The following CSE1L variants were observed in gnomAD, a reference collection of about 807,000 sequenced individuals.
CSE1L encodes the protein chromosome segregation 1 like, also known as exportin-2.
CSE1L carries 24 observed loss-of-function variants against 120.4 expected under a neutral mutation model. The ratio of observed to expected loss-of-function variants is 0.20; its 90% CI spans 0.14 to 0.28. The LOEUF is 0.28. CSE1L is among the 10% of genes least tolerant of loss of function. The pLI is 1.00. For missense variants in CSE1L, 830 were observed against 1,145.2 expected (o/e 0.72, Z 3.97); for synonymous variants, 402 against 398.3 (o/e 1.01, Z -0.11).
chr20:49,083,143 G>C (rs1370902647), intron 14 of CSE1L, among the ~76,000 whole-genome samples: 2 of 151,608 alleles, frequency 1.3e-5, no homozygotes, highest in African/African-American at 2.4e-5. Flanking sequence ...TTCTGCCTCA[G>C]CCTCCCGAGT....
At chr20:49,052,202 A>T (rs1016738622) in intron 1 of CSE1L, among the ~76,000 whole-genome samples, 13 of 152,294 alleles carry the variant, frequency 8.5e-5, no homozygotes, top group African/African-American at 2.9e-4. Flanking sequence ...GTTGTGACTT[A>T]TCCTTTAGTT....
intron 15 of CSE1L, 97 bp downstream of exon 15, chr20:49,084,259 A>G (rs2092036488): frequency 8.1e-7 from 1 of 1,237,150 alleles, no homozygotes; most frequent in African/African-American, 1.5e-5. Flanking sequence ...CTAGTGGGAA[A>G]ACAAATGTCT....
rs1308218025 is a variant in CSE1L at position 49,066,297 on chromosome 20, A to G, written c.330+4A>G. 1.9e-6 allele frequency: 3 copies of G among 1,614,190 alleles called. No homozygotes were observed. In the South Asian group the frequency reaches 3.3e-5, roughly 18 times the overall value. On this transcript the variant is annotated splice_donor_region_variant and intron_variant, in intron 4 of 24. Transcript: ENST00000262982. ...CCCAGAGCAAATTCAGAAGCAGGTA[A>G]TGTCGCTCCACTTTTTAGATGGGCT... is the stretch of plus-strand genomic sequence containing the variant.
Position 49,090,961 on chromosome 20 carries a change from A to G in CSE1L, c.2304A>G (p.Lys768=), listed in dbSNP as rs1274082881. ...MPPESVDQYR[K]QIFILLFQRL... is the part of the protein sequence containing the mutation. ...GTGAATCAGTTGACCAATATAGGAA[A>G]CAAATCTTCATTCTGCTATTCCAGA... Residue 768 remains lysine, a synonymous_variant, in exon 21 of 25, where the codon AAA becomes AAG. Transcript: ENST00000262982. 4 of 1,611,510 alleles carry G rather than the reference A, an allele frequency of 2.5e-6. No homozygotes were observed. The highest frequency in any genetic ancestry group is 3.3e-5 in the Admixed American group (2 of 59,826).
At chr20:49,088,151 C>T (rs752602381) in intron 17 of CSE1L, 45 bp downstream of exon 17, 1 of 1,352,796 alleles carries the variant, frequency 7.4e-7, no homozygotes, top group Admixed American at 1.8e-5. Context: ...TTTATTTGCT[C>T]CAAACTGTTT....
At chr20:49,092,331 T>A (rs924484010) in intron 22 of CSE1L, among the ~76,000 whole-genome samples, 1 of 151,840 alleles carries the variant, frequency 6.6e-6, no homozygotes, top group Non-Finnish European at 1.5e-5. Context: ...AATCCCACAC[T>A]CTGAGAGGCT....
In CSE1L at chr20:49,070,232, A is replaced by G. The variant is rs1290509499; in HGVS notation, c.703A>G (p.Met235Val). ...TCTCCCTGAATTTTTTGAAGATAAT[A>G]TGGAAACTTGGATGAATAATTTTCA... Reference protein sequence around the residue: ...QDLPEFFEDNMETWMNNFHTL... With the variant: ...QDLPEFFEDNVETWMNNFHTL... The change falls in exon 8 of 25, where the codon ATG becomes GTG. Residue 235 changes from methionine (M) to valine (V), a missense_variant. Met to Val is a conservative substitution (Grantham distance 21, BLOSUM62 1). This residue lies in a region of CSE1L where 543 missense variants were observed against 640.2 expected (regional missense o/e 0.85). Transcript: ENST00000262982. 4 of 1,466,880 alleles carry G rather than the reference A, an allele frequency of 2.7e-6. No homozygotes were observed. The highest frequency in any genetic ancestry group is 3.8e-6 in the Non-Finnish European group (4 of 1,064,880). 90.9% of individuals were successfully genotyped at this position (1,466,880 alleles called of 1,614,324 possible). A position where few individuals can be genotyped will look rare whatever the true frequency, so the allele number is the denominator to read the frequency against.
chr20:49,089,134 T>A, intron 17 of CSE1L, 113 bp from the exon 18 acceptor site: 1 of 989,276 alleles, frequency 1.0e-6, no homozygotes, highest in Non-Finnish European at 1.4e-6. Context: ...ATAATTGGTG[T>A]TTTTTTCTTA....
At chr20:49,063,704 A>G (rs1207041299) in intron 3 of CSE1L, among the ~76,000 whole-genome samples, 1 of 152,220 alleles carries the variant, frequency 6.6e-6, no homozygotes, top group Non-Finnish European at 1.5e-5. Context: ...AATCTCCATT[A>G]TGTTTGGAAT....
intron 1 of CSE1L, 129 bp downstream of exon 1, chr20:49,046,552 G>A (rs2091711859): frequency 6.6e-6 from 1 of 152,450 alleles, no homozygotes. Context: ...AGCGGAATGT[G>A]GGCCCGGGGT....
intron 10 of CSE1L, 73 bp from the exon 11 acceptor site, chr20:49,074,712 C>G: frequency 2.3e-6 from 3 of 1,278,214 alleles, no homozygotes; most frequent in Non-Finnish European, 3.3e-6. Flanking sequence ...TTTACATACT[C>G]TTCTGCATTC....
At chr20:49,072,795 G>T (rs906969996) in intron 10 of CSE1L, 98 bp downstream of exon 10, 3 of 1,168,356 alleles carry the variant, frequency 2.6e-6, no homozygotes, top group East Asian at 2.7e-5. Flanking sequence ...GATAAAACTT[G>T]TATGTCATTT....
chr20:49,079,251 G>A (rs919280147), intron 14 of CSE1L, among the ~76,000 whole-genome samples: 1 of 150,656 alleles, frequency 6.6e-6, no homozygotes, highest in Non-Finnish European at 1.5e-5. Flanking sequence ...TTTTTGAGAC[G>A]GATCTCACTC....
intron 16 of CSE1L, among the ~76,000 whole-genome samples, chr20:49,087,330 T>C (rs1180731657): frequency 1.3e-5 from 2 of 149,946 alleles, no homozygotes; most frequent in African/African-American, 4.9e-5. Flanking sequence ...CATTTTCTGA[T>C]GCTGGTTTCT....
intron 16 of CSE1L, among the ~76,000 whole-genome samples, chr20:49,086,752 T>C (rs1287762346): frequency 1.3e-5 from 2 of 152,222 alleles, no homozygotes; most frequent in Admixed American, 6.5e-5. Flanking sequence ...CAGTATGTAA[T>C]ACCTTCTCTG....
At chr20:49,073,001 C>G (rs1049281616) in intron 10 of CSE1L, among the ~76,000 whole-genome samples, 3 of 152,032 alleles carry the variant, frequency 2.0e-5, no homozygotes, top group Non-Finnish European at 4.4e-5. Context: ...GAATTTTTAG[C>G]TGGCTTTATT....
At chr20:49,057,562 C>T (rs563675955) in intron 1 of CSE1L, among the ~76,000 whole-genome samples, 1 of 150,610 alleles carries the variant, frequency 6.6e-6, no homozygotes, top group South Asian at 2.2e-4. Flanking sequence ...AAGACATCTT[C>T]CCACCTCAGC....
chr20:49,066,867 A>G (rs752745169), intron 5 of CSE1L, among the ~76,000 whole-genome samples: 9 of 151,862 alleles, frequency 5.9e-5, no homozygotes, highest in Non-Finnish European at 1.2e-4. Flanking sequence ...CGTCTCTACT[A>G]AAAATACAAA....
chr20:49,067,800 A>G (rs2091904414), intron 6 of CSE1L, among the ~76,000 whole-genome samples: 1 of 151,630 alleles, frequency 6.6e-6, no homozygotes, highest in Non-Finnish European at 1.5e-5. Context: ...GTGGGGCATG[A>G]TTATAGCTCA....
Sources: allele counts gnomAD v4.1 joint callset (sites outside exome capture counted in the v4.1 genomes callset), GRCh38; gene constraint gnomAD v4.1.1; regional missense constraint gnomAD v4.1.1; transcripts MANE v1.5; gene names NCBI Gene and HGNC (gene_info 2026-07-23, HGNC 2026-07-21).